The following CFAP57 variants were observed in gnomAD, a reference collection of about 807,000 sequenced individuals.
CFAP57 encodes cilia and flagella associated protein 57.
In CFAP57, 116 loss-of-function variants were observed where a neutral mutation model predicts 146.8. The observed-to-expected ratio is 0.79, with a 90% CI of 0.68 to 0.92. The LOEUF (loss-of-function observed/expected upper bound fraction) is 0.92. Ranked by LOEUF, CFAP57 falls within the 40% of genes least tolerant of loss-of-function variation. The pLI, the probability that CFAP57 is intolerant of heterozygous loss-of-function variation, is 0.00. For missense variants in CFAP57, 1,377 were observed against 1,527.2 expected, an observed-to-expected ratio of 0.90 and a Z score of 1.64; for synonymous variants, 518 against 552.8, an observed-to-expected ratio of 0.94 and a Z score of 0.88.
rs1356244198 is a variant in CFAP57 at position 43,238,875 on chromosome 1, A to C, written c.3405+4237A>C. 6.6e-6 allele frequency among the ~76,000 whole-genome samples: 1 copy of C among 152,152 alleles called. No homozygotes were observed. Among genetic ancestry groups the C allele is most frequent in the Non-Finnish European group, 1.5e-5 (1 of 68,036 alleles). ...AGCTCTACCACTGAGATACGGCCTC[A>C]GTTTCCTCACAAGGTTGGTGTAAGG... On this transcript the variant is annotated intron_variant, in intron 21 of 22. Coordinates refer to ENST00000372492, the MANE Select transcript of CFAP57 (RefSeq NM_001378189.1). The surrounding 1 kb of genome is among the most constrained non-coding windows in gnomAD (Gnocchi z 4.3).
intron 15 of CFAP57, 142 bp downstream of exon 15, chr1:43,222,437 T>C: frequency 1.4e-6 from 1 of 701,904 alleles, no homozygotes; most frequent in Non-Finnish European, 2.1e-6. Flanking sequence ...GGAACTTATA[T>C]CAAATGGGAG....
chr1:43,200,573 G>A (rs920291971), intron 9 of CFAP57, among the ~76,000 whole-genome samples: 2 of 152,126 alleles, frequency 1.3e-5, no homozygotes, highest in Non-Finnish European at 2.9e-5. Flanking sequence ...TAGATTAGAT[G>A]TGAGGCATGA....
intron 6 of CFAP57, among the ~76,000 whole-genome samples, chr1:43,192,920 C>T (rs1019787250): frequency 4.0e-5 from 6 of 148,760 alleles, no homozygotes; most frequent in Admixed American, 1.3e-4. Flanking sequence ...AGAGTGAAAA[C>T]TCCATCTCAA....
chr1:43,253,562 G>A (rs1646372698), intron 22 of CFAP57, among the ~76,000 whole-genome samples: 1 of 152,166 alleles, frequency 6.6e-6, no homozygotes, highest in Non-Finnish European at 1.5e-5. Flanking sequence ...CACCTGGAGA[G>A]GCACGAAGGG....
At chr1:43,198,790 A>G in intron 8 of CFAP57, 144 bp downstream of exon 8, 1 of 831,900 alleles carries the variant, frequency 1.2e-6, no homozygotes, top group Non-Finnish European at 2.0e-6. Context: ...GAAGGAGGAA[A>G]TCCAGTTATT....
chr1:43,183,733 T>C lies in CFAP57; in HGVS notation c.617T>C (p.Val206Ala), dbSNP rs758623748. Residue 206 changes from valine to alanine, a missense_variant, in exon 4 of 23, where the codon GTG (valine) becomes GCG (alanine). Transcript: ENST00000372492. ...CAAAACTATCTAGCTCACACCTGGG[T>C]GGCTGATGACAAGATTGTCGTTGGC... ...EPQNYLAHTW[V>A]ADDKIVVGTD... The C allele has an allele frequency of 6.2e-7, 1 of 1,614,212 alleles. No individual in the cohort carries two copies. The highest frequency in any genetic ancestry group is 8.5e-7 in the Non-Finnish European group (1 of 1,180,038).
At chr1:43,249,597 CTTT>C (rs35050145) in intron 22 of CFAP57, among the ~76,000 whole-genome samples, 45 of 52,640 alleles carry the variant, frequency 8.5e-4, no homozygotes, top group African/African-American at 2.9e-3. Context: ...ACCCAGCTAA[CTTT>C]TTTTTTTTTT....
chr1:43,252,210 G>A (rs528904805), intron 22 of CFAP57, among the ~76,000 whole-genome samples: 6 of 152,098 alleles, frequency 3.9e-5, no homozygotes, highest in African/African-American at 7.2e-5. Flanking sequence ...AAAATAGAAC[G>A]AATTAAGAAA....
At chr1:43,218,475 G>A (rs536155188) in intron 12 of CFAP57, among the ~76,000 whole-genome samples, 1 of 152,066 alleles carries the variant, frequency 6.6e-6, no homozygotes, top group African/African-American at 2.4e-5. Flanking sequence ...AGGTGTGGTG[G>A]GGCATGCCTG....
chr1:43,182,927 T>C (rs953932289), intron 3 of CFAP57, among the ~76,000 whole-genome samples: 2 of 152,240 alleles, frequency 1.3e-5, no homozygotes, highest in Admixed American at 6.5e-5. Flanking sequence ...TTTACAATGG[T>C]ACAAGAGTGA....
chr1:43,242,695 G>A lies in CFAP57; in HGVS notation c.3406-532G>A, dbSNP rs1244243533. Among the ~76,000 whole-genome samples, 8 of 152,242 alleles carry A rather than the reference G, an allele frequency of 5.3e-5. No homozygotes were observed. The South Asian group carries it at 8.3e-4, about 16-fold the overall frequency. On this transcript the variant is annotated intron_variant, in intron 21 of 22. Coordinates refer to ENST00000372492, the MANE Select transcript of CFAP57 (RefSeq NM_001378189.1). ...GAATGAAGTATAGCACAGTGCTTAC[G>A]AACTCTGGAGCCAGACTGTTGGGGT...
At chr1:43,235,186 C>T (rs895293142) in intron 21 of CFAP57, among the ~76,000 whole-genome samples, 7 of 152,264 alleles carry the variant, frequency 4.6e-5, no homozygotes, top group Admixed American at 2.6e-4. Context: ...TTAGCCACAA[C>T]GTCCCAGAGC....
At chr1:43,181,002 A>C in intron 2 of CFAP57, among the ~76,000 whole-genome samples, 4 of 149,614 alleles carry the variant, frequency 2.7e-5, no homozygotes, top group African/African-American at 2.5e-5. Context: ...TCCCCATCTC[A>C]CCTCACCCCC....
intron 22 of CFAP57, among the ~76,000 whole-genome samples, chr1:43,244,732 G>A (rs201656496): frequency 1.3e-5 from 2 of 151,828 alleles, no homozygotes; most frequent in Admixed American, 1.3e-4. Flanking sequence ...GTGAAACCCC[G>A]TCTCTACTAA....
chr1:43,202,031 C>T (rs1644147527), intron 9 of CFAP57, among the ~76,000 whole-genome samples: 1 of 152,182 alleles, frequency 6.6e-6, no homozygotes, highest in African/African-American at 2.4e-5. Flanking sequence ...TGCCCAAGCT[C>T]ACCAGTCCAG....
At chr1:43,188,053 C>T (rs545852102) in intron 6 of CFAP57, among the ~76,000 whole-genome samples, 2 of 152,278 alleles carry the variant, frequency 1.3e-5, no homozygotes, top group South Asian at 2.1e-4. Context: ...GTCCACCCGC[C>T]TCATCCTCCC....
chr1:43,182,816 G>A (rs116593753), intron 3 of CFAP57, among the ~76,000 whole-genome samples: 621 of 152,284 alleles, frequency 4.1e-3, no homozygotes, highest in Middle Eastern at 0.01. Context: ...AAAAGTCACA[G>A]CCCCTCAAGT....
chr1:43,200,382 G>C (rs963521937), intron 9 of CFAP57, among the ~76,000 whole-genome samples: 3 of 151,824 alleles, frequency 2.0e-5, no homozygotes, highest in African/African-American at 7.3e-5. Context: ...AGTTACTTGG[G>C]AGGCTGCGGT....
chr1:43,201,148 G>A lies in CFAP57; in HGVS notation c.1542+1645G>A, dbSNP rs936202487. On this transcript the variant is annotated intron_variant, in intron 9 of 22. Transcript: ENST00000372492. The surrounding 1 kb of genome is among the most constrained non-coding windows in gnomAD (Gnocchi z 4.4). The stretch of plus-strand genomic sequence containing the variant: ...TGAAGATTCGGGGAATTAGAAAGTA[G>A]AGGAAGTCAGAGGCATAGATTAGAT... Among the ~76,000 whole-genome samples, 18 of 152,282 alleles carry A rather than the reference G, an allele frequency of 1.2e-4. No individual in the cohort carries two copies. The highest frequency in any genetic ancestry group is 2.2e-4 in the Non-Finnish European group (15 of 68,022).
Sources: allele counts gnomAD v4.1 joint callset (sites outside exome capture counted in the v4.1 genomes callset), GRCh38; gene constraint gnomAD v4.1.1; non-coding constraint Gnocchi (gnomAD v3.1); transcripts MANE v1.5; gene names NCBI Gene and HGNC (gene_info 2026-07-23, HGNC 2026-07-21).